The following FBXO42 variants were observed in gnomAD, a reference collection of about 807,000 sequenced individuals.
FBXO42 encodes the protein F-box only protein 42.
A neutral mutation model predicts 71.7 loss-of-function variants in FBXO42; 12 were observed. The ratio of observed to expected loss-of-function variants is 0.17; its 90% confidence interval spans 0.11 to 0.27. The LOEUF (loss-of-function observed/expected upper bound fraction) is 0.27, where lower values mean the gene tolerates loss of function less well. FBXO42 is among the 10% of genes least tolerant of loss of function. The pLI is 1.00. For synonymous variants in FBXO42, 325 were observed against 327.5 expected, an observed-to-expected ratio of 0.99 and a Z score of 0.08; for missense variants, 707 against 911.9, an observed-to-expected ratio of 0.78 and a Z score of 2.89.
intron 4 of FBXO42, among the ~76,000 whole-genome samples, chr1:16,263,679 C>T (rs2081738928): frequency 6.6e-6 from 1 of 150,788 alleles, no homozygotes. Flanking sequence ...GCCAAGATCG[C>T]ACCGTTGCAC....
At chr1:16,272,614 C>G (rs1425930333) in intron 4 of FBXO42, among the ~76,000 whole-genome samples, 1 of 152,122 alleles carries the variant, frequency 6.6e-6, no homozygotes, top group South Asian at 2.1e-4. Flanking sequence ...AGAGTATGCA[C>G]AAAGGTAGAG....
At chr1:16,266,666 T>C (rs2081777995) in intron 4 of FBXO42, among the ~76,000 whole-genome samples, 1 of 151,412 alleles carries the variant, frequency 6.6e-6, no homozygotes, top group Non-Finnish European at 1.5e-5. Context: ...GTATGGGGGG[T>C]GGGAAGGATG....
chr1:16,315,065 T>A, intron 2 of FBXO42, 104 bp downstream of exon 2: 1 of 1,282,094 alleles, frequency 7.8e-7, no homozygotes, highest in Non-Finnish European at 1.1e-6. Flanking sequence ...CTAGATTTTA[T>A]AACCATAATA....
Position 16,326,615 on chromosome 1 carries a change from T to C in FBXO42, c.-17-11180A>G, listed in dbSNP as rs551686373. Among the ~76,000 whole-genome samples the C allele has an allele frequency of 2.0e-5, 3 of 146,366 alleles. No individual in the cohort carries two copies. In the South Asian group the frequency reaches 6.5e-4, roughly 31 times the overall value. On this transcript the variant is annotated intron_variant, in intron 1 of 9. Transcript: ENST00000375592. ...GGGAGGATCACTTGAGCCCAGGAGG[T>C]AGAGGTTGCAGTGAGCCAAGATCAC...
intron 1 of FBXO42, among the ~76,000 whole-genome samples, chr1:16,343,882 G>A (rs547741207): frequency 6.6e-6 from 1 of 151,670 alleles, no homozygotes; most frequent in South Asian, 2.1e-4. Flanking sequence ...GGGAGGCTGA[G>A]GCAGGAGGAT....
At chr1:16,272,728 G>A (rs150854458) in intron 4 of FBXO42, among the ~76,000 whole-genome samples, 36 of 152,310 alleles carry the variant, frequency 2.4e-4, no homozygotes, top group African/African-American at 8.7e-4. Flanking sequence ...AGGATACTTT[G>A]GGTAAAAGGA....
At chr1:16,335,280 C>CA (rs2082542369) in intron 1 of FBXO42, among the ~76,000 whole-genome samples, 1 of 151,958 alleles carries the variant, frequency 6.6e-6, no homozygotes, top group African/African-American at 2.4e-5. Flanking sequence ...GCTGGGACTC[C>CA]AGGTGCACAC....
At position 16,251,868 on chromosome 1, in the gene FBXO42, T is replaced by C. The variant is rs1307839017; in HGVS notation, c.1039-83A>G. 6.7e-7 allele frequency: 1 copy of C among 1,493,214 alleles called. No individual in the cohort carries two copies. Among genetic ancestry groups the C allele is most frequent in the Non-Finnish European group, 9.0e-7 (1 of 1,111,520 alleles). 92.5% of individuals were successfully genotyped at this position (1,493,214 alleles called of 1,614,324 possible). The stretch of plus-strand genomic sequence containing the variant: ...TGTCAAACATTTTATCATGAGCATC[T>C]GTCATGTGCCAGACATTTTGTAGGT... On this transcript the variant is annotated intron_variant, in intron 9 of 9. Coordinates refer to ENST00000375592, the MANE Select transcript of FBXO42 (RefSeq NM_018994.3). The surrounding 1 kb of genome is among the most constrained non-coding windows in gnomAD (Gnocchi z 4.5).
intron 1 of FBXO42, among the ~76,000 whole-genome samples, chr1:16,350,368 A>T (rs1277195608): frequency 1.3e-5 from 2 of 152,030 alleles, no homozygotes; most frequent in Non-Finnish European, 2.9e-5. Flanking sequence ...TTTCTACCAC[A>T]GAGAAGCTGC....
intron 1 of FBXO42, among the ~76,000 whole-genome samples, chr1:16,321,651 T>C (rs761266242): frequency 6.6e-6 from 1 of 151,800 alleles, no homozygotes; most frequent in Non-Finnish European, 1.5e-5. Flanking sequence ...TAAGGTTTAT[T>C]GACATGTCTA....
intron 4 of FBXO42, among the ~76,000 whole-genome samples, chr1:16,275,185 G>C (rs1179977727): frequency 1.3e-5 from 2 of 151,998 alleles, no homozygotes; most frequent in Non-Finnish European, 2.9e-5. Flanking sequence ...TACTAAAATG[G>C]GAGAGAAGAC....
intron 1 of FBXO42, among the ~76,000 whole-genome samples, chr1:16,330,536 C>T (rs1170198623): frequency 6.6e-6 from 1 of 151,960 alleles, no homozygotes; most frequent in Admixed American, 6.6e-5. Flanking sequence ...TGGCCAGGCA[C>T]AGTGGTTCAT....
At chr1:16,291,800 T>C (rs886161872) in intron 4 of FBXO42, among the ~76,000 whole-genome samples, 1 of 152,110 alleles carries the variant, frequency 6.6e-6, no homozygotes, top group African/African-American at 2.4e-5. Context: ...ACCTCTCAAG[T>C]AGCTAGGACT....
At chr1:16,345,703 C>T (rs1282913823) in intron 1 of FBXO42, among the ~76,000 whole-genome samples, 1 of 151,926 alleles carries the variant, frequency 6.6e-6, no homozygotes, top group Non-Finnish European at 1.5e-5. Flanking sequence ...TAAAAATTAG[C>T]TGGGCATGGT....
intron 3 of FBXO42, among the ~76,000 whole-genome samples, chr1:16,302,648 T>C (rs1262538336): frequency 1.3e-5 from 2 of 152,208 alleles, no homozygotes; most frequent in Non-Finnish European, 2.9e-5. Context: ...TAGCTGGGAC[T>C]ATAGGCACCC....
intron 4 of FBXO42, among the ~76,000 whole-genome samples, chr1:16,279,836 G>A (rs1199307128): frequency 8.2e-6 from 1 of 122,144 alleles, no homozygotes; most frequent in Non-Finnish European, 1.7e-5. Flanking sequence ...AAATCATGTT[G>A]ACAATGGTTT....
At position 16,251,218 on chromosome 1, in the gene FBXO42, C is replaced by T. The variant is rs1557566261; in HGVS notation, c.1606G>A (p.Gly536Ser). Reference sequence around the variant, plus strand: ...GCCACGTGAGGTGGGGTATGCACACCATTTGTCTGTTCAGGAGGGTGTCTC... The same window carrying T: ...GCCACGTGAGGTGGGGTATGCACACTATTTGTCTGTTCAGGAGGGTGTCTC... ...SMRHPPEQTN[G>S]VHTPPHVASA... The change falls in exon 10 of 10, where the codon GGT becomes AGT. Residue 536 changes from glycine to serine, a missense_variant. By Grantham distance (56) the Gly-to-Ser change is moderately conservative. Transcript: ENST00000375592. The surrounding 1 kb of genome is among the most constrained non-coding windows in gnomAD (Gnocchi z 4.5). 4 of 1,614,170 alleles carry T rather than the reference C, an allele frequency of 2.5e-6. No homozygotes were observed. The Admixed American group carries it at 6.7e-5, about 27-fold the overall frequency.
intron 2 of FBXO42, among the ~76,000 whole-genome samples, chr1:16,308,740 G>GTT (rs35488648): frequency 0.037 from 2,989 of 80,500 alleles, 199 homozygotes; most frequent in African/African-American, 0.049. Context: ...CCCCATCTCT[G>GTT]TTTTTTTTTT....
chr1:16,307,803 T>C (rs928333608), intron 2 of FBXO42, among the ~76,000 whole-genome samples: 5 of 152,182 alleles, frequency 3.3e-5, no homozygotes, highest in Admixed American at 2.0e-4. Context: ...AATAAAGAGA[T>C]AGTCCATGTT....
Sources: gnomAD v4.1 joint callset for allele counts (sites outside exome capture counted in the v4.1 genomes callset) on GRCh38, gnomAD v4.1.1 for gene constraint, Gnocchi (gnomAD v3.1) non-coding constraint, MANE v1.5 for transcripts, NCBI Gene and HGNC (gene_info 2026-07-23, HGNC 2026-07-21) for gene names.